Variants in SGCZ observed in about 807,000 individuals in gnomAD.
SGCZ encodes zeta-sarcoglycan.
A neutral mutation model predicts 41.3 loss-of-function variants in SGCZ; 40 were observed. The observed-to-expected ratio is 0.97, with a 90% confidence interval of 0.75 to 1.26. The LOEUF is 1.26. SGCZ is among the 50% of genes most tolerant of loss of function. The pLI is 0.00. For synonymous variants in SGCZ, 206 were observed against 137.5 expected (o/e 1.50, Z -3.49); for missense variants, 552 against 369.8 (o/e 1.49, Z -4.04).
chr8:14,925,487 G>C (rs1025471459), intron 1 of SGCZ, among the ~76,000 whole-genome samples: 1 of 152,150 alleles, frequency 6.6e-6, no homozygotes, highest in Non-Finnish European at 1.5e-5. Context: ...TTTATAACAA[G>C]ATGCTTCTTA....
intron 1 of SGCZ, among the ~76,000 whole-genome samples, chr8:14,567,980 G>A (rs987393299): frequency 5.3e-5 from 8 of 152,094 alleles, no homozygotes; most frequent in Non-Finnish European, 1.0e-4. Flanking sequence ...GAGGGTCCGC[G>A]GCTCCATTAT....
chr8:14,241,669 G>C (rs1413955550), intron 3 of SGCZ, among the ~76,000 whole-genome samples: 2 of 151,786 alleles, frequency 1.3e-5, no homozygotes, highest in African/African-American at 2.4e-5. Flanking sequence ...CTTGCCTCTA[G>C]CTCTAGAGGA....
At chr8:14,833,593 G>C (rs1280128537) in intron 1 of SGCZ, among the ~76,000 whole-genome samples, 1 of 152,144 alleles carries the variant, frequency 6.6e-6, no homozygotes, top group East Asian at 1.9e-4. Context: ...TAACACCTCA[G>C]GTTTTTAGTT....
At chr8:14,143,307 T>C (rs1803427649) in intron 5 of SGCZ, among the ~76,000 whole-genome samples, 1 of 152,154 alleles carries the variant, frequency 6.6e-6, no homozygotes, top group Admixed American at 6.5e-5. Context: ...AGCACTTGGA[T>C]TTCTAACCAT....
rs527452659 is a variant in SGCZ, at chr8:14,322,139, T to C, written c.336+1964A>G. Among the ~76,000 whole-genome samples, 4 of 152,258 alleles carry C rather than the reference T, an allele frequency of 2.6e-5. No homozygotes were observed. The East Asian group carries it at 7.7e-4, about 29-fold the overall frequency. On this transcript the variant is annotated intron_variant, in intron 3 of 7. Coordinates refer to ENST00000382080, the MANE Select transcript of SGCZ (RefSeq NM_139167.4). ...GTCTGGAGATTTCGTTCATGTTTATTTTTGAAGTGTATGTGCAGAGAATTT... is the reference window on the plus strand; with the variant it reads ...GTCTGGAGATTTCGTTCATGTTTATCTTTGAAGTGTATGTGCAGAGAATTT...
chr8:14,749,264 C>G (rs1799427948), intron 1 of SGCZ, among the ~76,000 whole-genome samples: 1 of 152,146 alleles, frequency 6.6e-6, no homozygotes, highest in Admixed American at 6.5e-5. Flanking sequence ...ATGATCCACA[C>G]TATATCAAGT....
At chr8:14,467,451 G>A (rs556845436) in intron 2 of SGCZ, among the ~76,000 whole-genome samples, 4 of 152,012 alleles carry the variant, frequency 2.6e-5, no homozygotes, top group Non-Finnish European at 5.9e-5. Flanking sequence ...TTGGAGGACA[G>A]AATCCTTTTT....
At chr8:14,425,910 T>G (rs1374543168) in intron 2 of SGCZ, among the ~76,000 whole-genome samples, 2 of 151,970 alleles carry the variant, frequency 1.3e-5, no homozygotes, top group African/African-American at 4.8e-5. Context: ...TTCAGGGAAG[T>G]AAAGAAAAAA....
chr8:14,656,454 T>TCTTC (rs1807576852), intron 1 of SGCZ, among the ~76,000 whole-genome samples: 1 of 145,030 alleles, frequency 6.9e-6, no homozygotes, highest in Admixed American at 6.8e-5. Context: ...CTCCCTTCCT[T>TCTTC]CTTTTCTTTT....
At chr8:14,115,644 C>CTT (rs1359459085) in intron 5 of SGCZ, among the ~76,000 whole-genome samples, 1 of 151,950 alleles carries the variant, frequency 6.6e-6, no homozygotes, top group East Asian at 1.9e-4. Flanking sequence ...TGAACTCACA[C>CTT]TTATTCTTAT....
chr8:14,747,245 G>T (rs1463436363), intron 1 of SGCZ, among the ~76,000 whole-genome samples: 1 of 152,192 alleles, frequency 6.6e-6, no homozygotes, highest in East Asian at 1.9e-4. Flanking sequence ...GCTGAGTCGT[G>T]TGTGAATACC....
chr8:14,267,041 A>T (rs1799895108), intron 3 of SGCZ, among the ~76,000 whole-genome samples: 1 of 152,120 alleles, frequency 6.6e-6, no homozygotes, highest in Non-Finnish European at 1.5e-5. Context: ...ATGTTTTTAC[A>T]GGGTTTCACT....
At chr8:14,914,851 G>T (rs1160385551) in intron 1 of SGCZ, among the ~76,000 whole-genome samples, 4 of 152,086 alleles carry the variant, frequency 2.6e-5, no homozygotes, top group Admixed American at 6.6e-5. Flanking sequence ...ACTTCAGAAG[G>T]CCTCACGATG....
chr8:14,282,347 C>A (rs963086397), intron 3 of SGCZ, among the ~76,000 whole-genome samples: 1 of 14,724 alleles, frequency 6.8e-5, no homozygotes, highest in Non-Finnish European at 1.7e-4. Flanking sequence ...GCCAAAAATC[C>A]CTTTCTTTCA....
chr8:14,443,107 C>T (rs565907888), intron 2 of SGCZ, among the ~76,000 whole-genome samples: 26 of 152,096 alleles, frequency 1.7e-4, no homozygotes, highest in South Asian at 4.1e-4. Context: ...TTACAAGGGA[C>T]ATGAAGGACC....
intron 5 of SGCZ, among the ~76,000 whole-genome samples, chr8:14,117,286 C>T (rs1039151220): frequency 1.3e-5 from 2 of 151,620 alleles, no homozygotes; most frequent in African/African-American, 4.8e-5. Context: ...TTTGGGAATC[C>T]CTTGATCCAC....
At chr8:14,806,458 C>T (rs1470804374) in intron 1 of SGCZ, among the ~76,000 whole-genome samples, 61 of 151,850 alleles carry the variant, frequency 4.0e-4, no homozygotes, top group East Asian at 3.9e-3. Context: ...AACACCTCTA[C>T]GCAAATAAAC....
intron 2 of SGCZ, among the ~76,000 whole-genome samples, chr8:14,553,385 G>A (rs1421392168): frequency 6.6e-6 from 1 of 151,888 alleles, no homozygotes; most frequent in African/African-American, 2.4e-5. Flanking sequence ...CCCTGACCTG[G>A]GACGCATATC....
intron 1 of SGCZ, among the ~76,000 whole-genome samples, chr8:14,705,269 A>G (rs1018534068): frequency 6.6e-6 from 1 of 151,992 alleles, no homozygotes; most frequent in African/African-American, 2.4e-5. Context: ...AACAATCAGT[A>G]TAGGCATAAA....
Sources: allele counts gnomAD v4.1 joint callset (sites outside exome capture counted in the v4.1 genomes callset), GRCh38; gene constraint gnomAD v4.1.1; transcripts MANE v1.5; gene names NCBI Gene and HGNC (gene_info 2026-07-23, HGNC 2026-07-21).